ARHGAP23: variants seen among roughly 807,000 people sequenced by gnomAD.
ARHGAP23 encodes Rho GTPase activating protein 23.
In ARHGAP23, 34 loss-of-function variants were observed where a neutral mutation model predicts 136.3. The observed-to-expected ratio is 0.25, with a 90% CI of 0.19 to 0.33. The LOEUF is 0.33. Ranked by LOEUF, ARHGAP23 falls within the 10% of genes least tolerant of loss-of-function variation. The pLI, the probability that ARHGAP23 is intolerant of heterozygous loss-of-function variation, is 1.00. For synonymous variants in ARHGAP23, 832 were observed against 920.5 expected (o/e 0.90, Z 1.74); for missense variants, 1,808 against 2,139.0 (o/e 0.85, Z 3.05).
intron 23 of ARHGAP23, among the ~76,000 whole-genome samples, chr17:38,509,244 A>G (rs943421001): frequency 3.9e-5 from 6 of 152,118 alleles, no homozygotes; most frequent in African/African-American, 1.2e-4. Flanking sequence ...AAGTTGCCCA[A>G]CTTGGGGTTG....
chr17:38,465,846 C>T (rs559791950), intron 6 of ARHGAP23, among the ~76,000 whole-genome samples: 5 of 152,112 alleles, frequency 3.3e-5, no homozygotes, highest in African/African-American at 9.6e-5. Flanking sequence ...GGCAGGCAGG[C>T]GGTGGAGGCC....
rs1309701535 is a variant in ARHGAP23 at position 38,437,162 on chromosome 17, C to A, written c.63+8614C>A. Among the ~76,000 whole-genome samples, 3 of 152,134 alleles carry A rather than the reference C, an allele frequency of 2.0e-5. No individual in the cohort carries two copies. The East Asian group carries it at 5.8e-4, about 29-fold the overall frequency. ...AGGCATGGTGGCTCACATCTGTAAT[C>A]CCAGAGACTTGGGAAGCTTCGACAG... is the stretch of plus-strand genomic sequence containing the variant. On this transcript the variant is annotated intron_variant, in intron 1 of 23. Transcript: ENST00000622683.
At chr17:38,454,100 G>A (rs2039264597) in intron 1 of ARHGAP23, 1 of 150,934 alleles carries the variant, frequency 6.6e-6, no homozygotes, top group Non-Finnish European at 1.5e-5. Context: ...CCCTGCCTCA[G>A]CCACAGCGAC....
At chr17:38,453,066 T>A (rs1358948896) in intron 1 of ARHGAP23, among the ~76,000 whole-genome samples, 1 of 152,130 alleles carries the variant, frequency 6.6e-6, no homozygotes, top group Admixed American at 6.5e-5. Context: ...AGCTGTGCAG[T>A]GTGTGCGTGG....
At chr17:38,438,182 G>T (rs887534256) in intron 1 of ARHGAP23, among the ~76,000 whole-genome samples, 1 of 152,104 alleles carries the variant, frequency 6.6e-6, no homozygotes, top group Non-Finnish European at 1.5e-5. Flanking sequence ...TTAGCTGGGC[G>T]TGGTGGCATG....
At chr17:38,479,181 A>C (rs1178102182) in intron 12 of ARHGAP23, among the ~76,000 whole-genome samples, 1 of 152,124 alleles carries the variant, frequency 6.6e-6, no homozygotes, top group East Asian at 1.9e-4. Context: ...ATGATTCTGC[A>C]CCCGGCCCTG....
At chr17:38,463,013 TG>T (rs1489458097) in intron 4 of ARHGAP23, 72 bp downstream of exon 4, 7 of 1,533,976 alleles carry the variant, frequency 4.6e-6, no homozygotes, top group Non-Finnish European at 5.3e-6. Context: ...ATCCAGGTGT[TG>T]GGGAGGCTCC....
At chr17:38,429,103 C>A (rs936298933) in intron 1 of ARHGAP23, among the ~76,000 whole-genome samples, 1 of 152,246 alleles carries the variant, frequency 6.6e-6, no homozygotes, top group South Asian at 2.1e-4. Context: ...CCGCCGCCCT[C>A]CTGGATCCTG....
Position 38,486,062 on chromosome 17 carries a change from C to A in ARHGAP23, c.2908C>A (p.Arg970Ser), listed in dbSNP as rs1181343672. The part of the protein sequence containing the change: ...GPGDINLQDE[R>S]WQDLNVISSL... ...GCCTGACATCTGACCCCTCCCCCAG[C>A]GCTGGCAAGACCTCAATGTGATCAG... is the stretch of plus-strand genomic sequence containing the variant. The change falls in exon 17 of 24, where the codon CGC (arginine) becomes AGC (serine). Residue 970 changes from arginine to serine, a missense_variant and splice_region_variant. By Grantham distance (110) the Arg-to-Ser change is moderately radical. This residue lies in a region of ARHGAP23 where 105 missense variants were observed against 200.6 expected (regional missense o/e 0.52). Coordinates refer to ENST00000622683, the MANE Select transcript of ARHGAP23 (RefSeq NM_001199417.2). 4 of 1,550,994 alleles carry A rather than the reference C, an allele frequency of 2.6e-6. No individual in the cohort carries two copies. The Admixed American group carries it at 5.9e-5, about 23-fold the overall frequency.
chr17:38,463,174 G>A lies in ARHGAP23; in HGVS notation c.406G>A (p.Val136Ile). ...ESVIGKTYSQ[V>I]IALIQNSDDT... The stretch of plus-strand genomic sequence containing the variant: ...CGTCATTGGGAAGACCTACTCTCAG[G>A]TCATAGCTCTGATCCAGAATAGGTG... The change falls in exon 5 of 24, where the codon GTC becomes ATC. Residue 136 changes from valine to isoleucine, a missense_variant. Transcript: ENST00000622683. The A allele has an allele frequency of 6.4e-6, 10 of 1,551,544 alleles. No homozygotes were observed. The highest frequency in any genetic ancestry group is 8.7e-6 in the Non-Finnish European group (10 of 1,146,922).
In ARHGAP23 at chr17:38,477,349, TG is replaced by T. The variant is rs1349788871; in HGVS notation, c.2119-224del. On this transcript the variant is annotated intron_variant, in intron 11 of 23. Transcript: ENST00000622683. This position sits in a 1 kb window ranked among gnomAD's most constrained non-coding sequence, Gnocchi z 6.6. ...AGAGGGGGAGAGGGTTGGGGTCTGCTGGGGGGCTTTAGGATGATGGGTAGGG... is the reference window on the plus strand; with the variant it reads ...AGAGGGGGAGAGGGTTGGGGTCTGCTGGGGGCTTTAGGATGATGGGTAGGG... Among the ~76,000 whole-genome samples, 1 of 128,640 alleles carries T rather than the reference TG, an allele frequency of 7.8e-6. No individual in the cohort carries two copies. Among genetic ancestry groups the T allele is most frequent in the Non-Finnish European group, 1.7e-5 (1 of 60,216 alleles). 84.4% of individuals were successfully genotyped at this position (128,640 alleles called of 152,430 possible).
rs968597721 is a variant in ARHGAP23 at position 38,512,350 on chromosome 17, A to G, written c.*1378A>G. 2 of 152,250 alleles carry G rather than the reference A, an allele frequency of 1.3e-5. No individual in the cohort carries two copies. The highest frequency in any genetic ancestry group is 2.4e-5 in the African/African-American group (1 of 41,450). The allele number at this position is 152,250 out of a possible 1,614,324, so 9.4% of individuals were successfully genotyped here. A position where few individuals can be genotyped will look rare whatever the true frequency, so the allele number is the denominator to read the frequency against. On this transcript the variant is annotated 3_prime_UTR_variant, in exon 24 of 24. Coordinates refer to ENST00000622683, the MANE Select transcript of ARHGAP23 (RefSeq NM_001199417.2). Reference sequence around the variant, plus strand: ...TTCTGAAAAGTCCTGTCTTAAAAGTACAGTCTATATCTTGGAAATAAATAG... The same window carrying G: ...TTCTGAAAAGTCCTGTCTTAAAAGTGCAGTCTATATCTTGGAAATAAATAG...
intron 1 of ARHGAP23, among the ~76,000 whole-genome samples, chr17:38,433,922 C>T (rs1037980920): frequency 6.6e-6 from 1 of 152,172 alleles, no homozygotes; most frequent in Non-Finnish European, 1.5e-5. Flanking sequence ...CGTCATCATC[C>T]TCGTGCCTCA....
At chr17:38,499,688 G>A (rs1411843785) in intron 22 of ARHGAP23, among the ~76,000 whole-genome samples, 1 of 152,080 alleles carries the variant, frequency 6.6e-6, no homozygotes, top group Non-Finnish European at 1.5e-5. Flanking sequence ...CCTGTGTGTC[G>A]TGTGTGGTCG....
In ARHGAP23 at chr17:38,510,533, C is replaced by G. The variant is rs1027330687; in HGVS notation, c.4037C>G (p.Ser1346Trp). ...CCCCGCGCCCCGGAGCCGCCCGGCT[C>G]GGCGTCGTCCAGCAGCCAGGAGTCG... ...GGPRAPEPPG[S>W]ASSSSQESLR... The change falls in exon 24 of 24, where the codon TCG becomes TGG. Residue 1346 changes from serine (S) to tryptophan (W), a missense_variant. Ser to Trp is a radical substitution (Grantham distance 177). Coordinates refer to ENST00000622683, the MANE Select transcript of ARHGAP23 (RefSeq NM_001199417.2). The surrounding 1 kb of genome is among the most constrained non-coding windows in gnomAD (Gnocchi z 4.6). 8.6e-7 allele frequency: 1 copy of G among 1,166,234 alleles called. No individual in the cohort carries two copies. 72.2% of individuals were successfully genotyped at this position (1,166,234 alleles called of 1,614,324 possible). A position where few individuals can be genotyped will look rare whatever the true frequency, so the allele number is the denominator to read the frequency against.
intron 16 of ARHGAP23, among the ~76,000 whole-genome samples, chr17:38,485,295 T>C (rs1458315784): frequency 6.6e-6 from 1 of 152,046 alleles, no homozygotes; most frequent in African/African-American, 2.4e-5. Flanking sequence ...ATGTCCTCTG[T>C]GGGTGGAGTG....
At chr17:38,473,397 C>T (rs1396532397) in intron 11 of ARHGAP23, among the ~76,000 whole-genome samples, 1 of 152,204 alleles carries the variant, frequency 6.6e-6, no homozygotes, top group East Asian at 1.9e-4. Context: ...CACTTACCTT[C>T]CCTGAGCCTC....
intron 1 of ARHGAP23, among the ~76,000 whole-genome samples, chr17:38,454,511 G>A (rs1206441040): frequency 6.6e-6 from 1 of 152,282 alleles, no homozygotes; most frequent in Non-Finnish European, 1.5e-5. Context: ...GAGGCAGGCA[G>A]AGGCACCACT....
intron 11 of ARHGAP23, among the ~76,000 whole-genome samples, chr17:38,472,720 C>A (rs1488453624): frequency 1.3e-5 from 2 of 152,054 alleles, no homozygotes; most frequent in South Asian, 2.1e-4. Flanking sequence ...TCCCTCCTGG[C>A]GATTAGGATG....
Sources: gnomAD v4.1 joint callset for allele counts (sites outside exome capture counted in the v4.1 genomes callset) on GRCh38, gnomAD v4.1.1 for gene constraint, gnomAD v4.1.1 regional missense constraint, Gnocchi (gnomAD v3.1) non-coding constraint, MANE v1.5 for transcripts, NCBI Gene and HGNC (gene_info 2026-07-23, HGNC 2026-07-21) for gene names.